The following CYRIB variants were observed in gnomAD, a reference collection of about 807,000 sequenced individuals.
CYRIB encodes CYFIP related Rac1 interactor B, also known as CYFIP-related Rac1 interactor B.
A neutral mutation model predicts 44.2 loss-of-function variants in CYRIB; 8 were observed. That is an observed-to-expected ratio of 0.18 (90% confidence interval 0.11 to 0.33). The LOEUF (loss-of-function observed/expected upper bound fraction) is 0.33, where lower values mean the gene tolerates loss of function less well. Among genes scored for constraint, CYRIB ranks in the 10% least tolerant of loss-of-function variants. The pLI is 1.00. For synonymous variants in CYRIB, 131 were observed against 127.2 expected (o/e 1.03, Z -0.20); for missense variants, 185 against 382.8 (o/e 0.48, Z 4.31).
intron 1 of CYRIB, among the ~76,000 whole-genome samples, chr8:130,001,402 C>T (rs989750249): frequency 6.6e-6 from 1 of 152,148 alleles, no homozygotes; most frequent in Non-Finnish European, 1.5e-5. Context: ...CTGACCACAG[C>T]TCCCACCACC....
upstream of CYRIB, among the ~76,000 whole-genome samples, chr8:129,943,891 G>T (rs747733547): frequency 3.7e-4 from 51 of 137,976 alleles, no homozygotes; most frequent in Non-Finnish European, 7.1e-4. Flanking sequence ...GAGCCACCGC[G>T]CCCCGCCGAG....
At chr8:129,946,716 T>G (rs541885990) in intron 2 of CYRIB, among the ~76,000 whole-genome samples, 1 of 152,214 alleles carries the variant, frequency 6.6e-6, no homozygotes, top group African/African-American at 2.4e-5. Flanking sequence ...AGTTATAAGG[T>G]TTATCTATGA....
chr8:129,868,628 T>A (rs571293618), intron 4 of CYRIB: 1 of 152,244 alleles, frequency 6.6e-6, no homozygotes, highest in Non-Finnish European at 1.5e-5. Context: ...ACTGAGTGAC[T>A]ACGGTATCCT....
At chr8:129,983,797 A>C (rs1192947706) in intron 1 of CYRIB, among the ~76,000 whole-genome samples, 1 of 152,222 alleles carries the variant, frequency 6.6e-6, no homozygotes, top group Non-Finnish European at 1.5e-5. Flanking sequence ...CGAGGCCTGC[A>C]GAGGACGCAG....
intron 2 of CYRIB, among the ~76,000 whole-genome samples, chr8:129,900,870 C>T (rs1177519358): frequency 6.6e-6 from 1 of 152,168 alleles, no homozygotes; most frequent in Non-Finnish European, 1.5e-5. Context: ...GATGGGATTT[C>T]GCCATGTGGG....
chr8:129,850,158 G>A (rs944963336), intron 9 of CYRIB: 11 of 152,214 alleles, frequency 7.2e-5, no homozygotes, highest in Non-Finnish European at 1.6e-4. Context: ...GTTTTCCAAT[G>A]AGATGATGTA....
At chr8:130,000,088 G>GGTGA (rs1395502063) in intron 1 of CYRIB, among the ~76,000 whole-genome samples, 3 of 152,264 alleles carry the variant, frequency 2.0e-5, no homozygotes, top group Non-Finnish European at 2.9e-5. Flanking sequence ...GACTCAGCTT[G>GGTGA]GTGAGCCCAG....
chr8:129,842,875 T>C (rs1418249687), intron 11 of CYRIB, among the ~76,000 whole-genome samples: 1 of 152,234 alleles, frequency 6.6e-6, no homozygotes, highest in East Asian at 1.9e-4. Flanking sequence ...TTCTATTCTG[T>C]ATTTAAGATG....
intron 2 of CYRIB, among the ~76,000 whole-genome samples, chr8:129,888,035 T>A (rs916900795): frequency 2.0e-4 from 31 of 152,294 alleles, no homozygotes; most frequent in African/African-American, 5.5e-4. Context: ...GAGAAGGTCA[T>A]GAGATTTGGG....
intron 1 of CYRIB, among the ~76,000 whole-genome samples, chr8:129,924,851 A>T (rs2086512236): frequency 6.6e-6 from 1 of 152,114 alleles, no homozygotes; most frequent in Non-Finnish European, 1.5e-5. Flanking sequence ...GGTGGTGCAT[A>T]CCTATAGTCC....
intron 1 of CYRIB, among the ~76,000 whole-genome samples, chr8:129,979,089 G>A (rs573199620): frequency 2.4e-4 from 37 of 152,064 alleles, no homozygotes; most frequent in African/African-American, 7.2e-4. Flanking sequence ...TGAAGTGAGC[G>A]GAGATCGTGA....
chr8:129,931,450 C>T (rs2091315982), intron 1 of CYRIB, among the ~76,000 whole-genome samples: 1 of 152,128 alleles, frequency 6.6e-6, no homozygotes, highest in Admixed American at 6.5e-5. Flanking sequence ...AATTGAAAGA[C>T]GTATGAACAT....
intron 1 of CYRIB, among the ~76,000 whole-genome samples, chr8:129,986,947 ACAGT>A (rs2096476317): frequency 1.3e-5 from 2 of 152,220 alleles, no homozygotes; most frequent in African/African-American, 2.4e-5. Context: ...CTAGAGGAGG[ACAGT>A]CAAAGCACGG....
exon 1 of CYRIB, chr8:129,939,608 C>T (rs1218201901): frequency 2.0e-5 from 3 of 152,426 alleles, no homozygotes; most frequent in Non-Finnish European, 2.9e-5. Flanking sequence ...AATCACTCAC[C>T]CTCCGCTCGA....
At chr8:129,891,321 C>A (rs28417973) in intron 2 of CYRIB, among the ~76,000 whole-genome samples, 7,915 of 152,308 alleles carry the variant, frequency 0.052, 674 homozygotes, top group African/African-American at 0.17. Flanking sequence ...CCCTCGTTTT[C>A]TTTCTGCTTT....
Position 129,972,773 on chromosome 8 carries a change from A to C in CYRIB, c.-295-1778T>G, listed in dbSNP as rs536303752. ...ACGCACATGCACACCACACACACAC[A>C]CCCCACATCACTCACACACCCAGCA... is the stretch of plus-strand genomic sequence containing the variant. On this transcript the variant is annotated intron_variant, in intron 1 of 14. Transcript: ENST00000401979. Among the ~76,000 whole-genome samples the C allele has an allele frequency of 2.6e-3, 397 of 151,580 alleles. 2 individuals are homozygous for C. The highest frequency in any genetic ancestry group is 9.1e-3 in the African/African-American group (375 of 41,306).
At position 130,006,156 on chromosome 8, in the gene CYRIB, A is replaced by T. The variant is rs148715562; in HGVS notation, c.-296+10214T>A. On this transcript the variant is annotated intron_variant, in intron 1 of 14. Coordinates refer to the CYRIB transcript ENST00000401979. The stretch of plus-strand genomic sequence containing the variant: ...TGTCTCTATTAAAAATACAAAAATT[A>T]GCCGGGCATGGTGGTCCACACCTGT... Among the ~76,000 whole-genome samples, 988 of 152,000 alleles carry T rather than the reference A, an allele frequency of 6.5e-3. 32 individuals are homozygous for T. The East Asian group carries it at 0.11, about 18-fold the overall frequency.
At chr8:129,998,770 T>C (rs2133791646) in intron 1 of CYRIB, among the ~76,000 whole-genome samples, 1 of 152,286 alleles carries the variant, frequency 6.6e-6, no homozygotes, top group South Asian at 2.1e-4. Flanking sequence ...TAGCTGGGAT[T>C]ACAGGCATGT....
chr8:129,940,660 G>A (rs768336081), upstream of CYRIB, among the ~76,000 whole-genome samples: 2 of 152,014 alleles, frequency 1.3e-5, no homozygotes, highest in African/African-American at 4.8e-5. Context: ...TCCTAATCCT[G>A]TTATAAAGCT....
Sources: gnomAD v4.1 joint callset for allele counts (sites outside exome capture counted in the v4.1 genomes callset) on GRCh38, gnomAD v4.1.1 for gene constraint, MANE v1.5 for transcripts, NCBI Gene and HGNC (gene_info 2026-07-23, HGNC 2026-07-21) for gene names.